CDK5RAP2: variants seen among roughly 807,000 people sequenced by gnomAD.
CDK5RAP2 encodes CDK5 regulatory subunit associated protein 2.
A neutral mutation model predicts 232.9 loss-of-function variants in CDK5RAP2; 147 were observed. That is an observed-to-expected ratio of 0.63 (90% CI 0.55 to 0.72). The LOEUF (loss-of-function observed/expected upper bound fraction) is 0.72. CDK5RAP2 is among the 30% of genes least tolerant of loss of function. The pLI, the probability that CDK5RAP2 is intolerant of heterozygous loss-of-function variation, is 0.00. For missense variants in CDK5RAP2, 2,195 were observed against 2,231.5 expected, an observed-to-expected ratio of 0.98 and a Z score of 0.33; for synonymous variants, 833 against 833.7, an observed-to-expected ratio of 1.00 and a Z score of 0.01.
At position 120,415,569 on chromosome 9, in the gene CDK5RAP2, C is replaced by T. The variant is rs148528289; in HGVS notation, c.4178-410G>A. On this transcript the variant is annotated intron_variant, in intron 27 of 37. Coordinates refer to ENST00000349780, the MANE Select transcript of CDK5RAP2 (RefSeq NM_018249.6). ...CCTTCATAATGAATCCAGATATTTT[C>T]GAGACTAATTTTTTGAAAGGAATAT... 5.9e-5 allele frequency among the ~76,000 whole-genome samples: 9 copies of T among 152,168 alleles called. No homozygotes were observed. The East Asian group carries it at 1.5e-3, about 26-fold the overall frequency.
intron 25 of CDK5RAP2, among the ~76,000 whole-genome samples, chr9:120,431,265 T>TAAG (rs1176512084): frequency 1.3e-5 from 2 of 152,132 alleles, no homozygotes; most frequent in South Asian, 2.1e-4. Flanking sequence ...AGTATAATAA[T>TAAG]AAGAAGAAGA....
At chr9:120,543,465 C>T (rs181458368) in intron 5 of CDK5RAP2, among the ~76,000 whole-genome samples, 1 of 152,324 alleles carries the variant, frequency 6.6e-6, no homozygotes, top group African/African-American at 2.4e-5. Flanking sequence ...AGTTTCTCTA[C>T]CCATTCAACT....
intron 31 of CDK5RAP2, 106 bp from the exon 32 acceptor site, chr9:120,407,354 C>A (rs528947631): frequency 1.2e-5 from 10 of 840,742 alleles, no homozygotes; most frequent in Non-Finnish European, 2.0e-5. Context: ...TCGCCCTCCC[C>A]CTTCCTAAGA....
intron 17 of CDK5RAP2, 88 bp from the exon 18 acceptor site, chr9:120,468,085 G>C: frequency 7.5e-7 from 1 of 1,326,414 alleles, no homozygotes; most frequent in Non-Finnish European, 1.1e-6. Context: ...CCTATCAAGC[G>C]ACTCTTTGGC....
Position 120,452,614 on chromosome 9 carries a change from G to A in CDK5RAP2, c.2793+842C>T, listed in dbSNP as rs75604685. Among the ~76,000 whole-genome samples, 658 of 151,724 alleles carry A rather than the reference G, an allele frequency of 4.3e-3. 3 individuals carry two copies. Among genetic ancestry groups the A allele is most frequent in the Non-Finnish European group, 5.7e-3 (389 of 67,946 alleles). On this transcript the variant is annotated intron_variant, in intron 21 of 37. Transcript: ENST00000349780. Reference sequence around the variant, plus strand: ...TGGGGGGGTCAAGCCGTGACCTCAAGAGGATTTTCATAAGGGTCCAATGAA... The same window carrying A: ...TGGGGGGGTCAAGCCGTGACCTCAAAAGGATTTTCATAAGGGTCCAATGAA...
At chr9:120,539,817 G>C (rs1373938008) in intron 5 of CDK5RAP2, among the ~76,000 whole-genome samples, 1 of 152,204 alleles carries the variant, frequency 6.6e-6, no homozygotes, top group Non-Finnish European at 1.5e-5. Context: ...ATTCTGGATA[G>C]CTATTGCCAA....
At position 120,458,531 on chromosome 9, in the gene CDK5RAP2, G is replaced by C. The variant is rs139706626; in HGVS notation, c.2294C>G (p.Pro765Arg). The part of the protein sequence containing the change: ...KISDCDGAHA[P>R]GCLEEGAFIN... ...GAATGCACCTTCTTCTAGGCAGCCA[G>C]GTGCGTGGGCCCCATCACAATCTGA... The change falls in exon 20 of 38, where the codon CCT becomes CGT. Residue 765 changes from proline to arginine, a missense_variant. Transcript: ENST00000349780. 770 of 1,614,164 alleles carry C rather than the reference G, an allele frequency of 4.8e-4. 5 individuals carry two copies. In the East Asian group the frequency reaches 0.012, roughly 25 times the overall value.
intron 36 of CDK5RAP2, among the ~76,000 whole-genome samples, chr9:120,391,302 A>C (rs2031946819): frequency 6.6e-6 from 1 of 152,182 alleles, no homozygotes; most frequent in Non-Finnish European, 1.5e-5. Flanking sequence ...ACACCTCAAC[A>C]GCACTGCCAC....
At chr9:120,545,111 A>T (rs2041787763) in intron 5 of CDK5RAP2, among the ~76,000 whole-genome samples, 1 of 152,156 alleles carries the variant, frequency 6.6e-6, no homozygotes, top group Admixed American at 6.5e-5. Flanking sequence ...GAGGGTCCCT[A>T]GGACACTTAA....
At chr9:120,568,534 A>C (rs1325454829) in intron 2 of CDK5RAP2, 146 bp from the exon 3 acceptor site, 2 of 739,246 alleles carry the variant, frequency 2.7e-6, no homozygotes, top group Non-Finnish European at 5.0e-6. Context: ...TGATTTACTG[A>C]TTTTGCTCCA....
Position 120,403,135 on chromosome 9 carries a change from T to C in CDK5RAP2, c.5042-64A>G. ...TAACACTCTGCGTTCAAGACGCTTA[T>C]GATGTTGAAGCTAGCTAGGAGGGCT... On this transcript the variant is annotated intron_variant, in intron 33 of 37. Transcript: ENST00000349780. This position sits in a 1 kb window ranked among gnomAD's most constrained non-coding sequence, Gnocchi z 4.2. 6.4e-7 allele frequency: 1 copy of C among 1,564,184 alleles called. No individual in the cohort carries two copies. The highest frequency in any genetic ancestry group is 8.8e-7 in the Non-Finnish European group (1 of 1,136,198).
At chr9:120,419,431 G>A (rs1368516448) in intron 27 of CDK5RAP2, among the ~76,000 whole-genome samples, 1 of 152,134 alleles carries the variant, frequency 6.6e-6, no homozygotes, top group Admixed American at 6.5e-5. Context: ...ACTCAAAGCA[G>A]AAGAGTCTCT....
Position 120,402,938 on chromosome 9 carries a change from G to C in CDK5RAP2, c.5175C>G (p.Arg1725=). ...GHHLWASKNG[R]HVLGLIEDYE... is the part of the protein sequence containing the mutation. ...AGTCCTCAATCAGGCCCAGGACATG[G>C]CGGCCATTCTTGCTGGCCCACAGGT... Residue 1725 remains arginine (R), a synonymous_variant, in exon 34 of 38, where the codon CGC becomes CGG. Coordinates refer to ENST00000349780, the MANE Select transcript of CDK5RAP2 (RefSeq NM_018249.6). 6.2e-7 allele frequency: 1 copy of C among 1,614,186 alleles called. No individual in the cohort carries two copies. Among genetic ancestry groups the C allele is most frequent in the Non-Finnish European group, 8.5e-7 (1 of 1,180,040 alleles).
intron 34 of CDK5RAP2, 95 bp downstream of exon 34, chr9:120,402,711 C>A: frequency 1.4e-6 from 2 of 1,404,680 alleles, no homozygotes; most frequent in South Asian, 1.2e-5. Flanking sequence ...TTCTCAGGGT[C>A]CTAATGAGGA....
chr9:120,498,129 C>A (rs965474923), intron 12 of CDK5RAP2, among the ~76,000 whole-genome samples: 2 of 152,350 alleles, frequency 1.3e-5, no homozygotes, highest in Non-Finnish European at 1.5e-5. Context: ...GGATCACGTG[C>A]TTGCCCTTTC....
Position 120,458,490 on chromosome 9 carries a change from G to A in CDK5RAP2, c.2335C>T (p.Pro779Ser). The A allele has an allele frequency of 6.2e-7, 1 of 1,614,158 alleles. No homozygotes were observed. Among genetic ancestry groups the A allele is most frequent in the African/African-American group, 1.3e-5 (1 of 75,034 alleles). ...AATGTGGCCTTCTCATTGAACAAAGGGGCAAGCAGGTTTATGAATGCACCT... is the reference window on the plus strand; with the variant it reads ...AATGTGGCCTTCTCATTGAACAAAGAGGCAAGCAGGTTTATGAATGCACCT... ...EEGAFINLLA[P>S]LFNEKATLLL... Residue 779 changes from proline to serine, a missense_variant, in exon 20 of 38, where the codon CCT becomes TCT. Coordinates refer to ENST00000349780, the MANE Select transcript of CDK5RAP2 (RefSeq NM_018249.6).
At chr9:120,436,667 G>T (rs917247359) in intron 25 of CDK5RAP2, among the ~76,000 whole-genome samples, 1 of 152,092 alleles carries the variant, frequency 6.6e-6, no homozygotes, top group African/African-American at 2.4e-5. Context: ...ATAATAGAGC[G>T]CGTGTGTGTA....
chr9:120,527,934 G>C lies in CDK5RAP2; in HGVS notation c.880-9C>G. 1.2e-6 allele frequency: 2 copies of C among 1,613,452 alleles called. No individual in the cohort carries two copies. ...AGGTCCTCTTCAAGTGCCTAAATTA[G>C]ATTAGAAAAAGATTCACTAAGTTGA... On this transcript the variant is annotated splice_polypyrimidine_tract_variant and intron_variant, in intron 9 of 37. Transcript: ENST00000349780.
intron 1 of CDK5RAP2, among the ~76,000 whole-genome samples, chr9:120,578,371 C>A (rs2043113549): frequency 6.6e-6 from 1 of 152,046 alleles, no homozygotes; most frequent in Non-Finnish European, 1.5e-5. Context: ...TATATTGGGG[C>A]AGTGGATGTA....
Sources: allele counts gnomAD v4.1 joint callset (sites outside exome capture counted in the v4.1 genomes callset), GRCh38; gene constraint gnomAD v4.1.1; non-coding constraint Gnocchi (gnomAD v3.1); transcripts MANE v1.5; gene names NCBI Gene and HGNC (gene_info 2026-07-23, HGNC 2026-07-21).